Variants in PCCA observed in about 807,000 individuals in gnomAD.
The protein encoded by PCCA is propionyl-CoA carboxylase subunit alpha, also known as propionyl-CoA carboxylase alpha chain, mitochondrial.
A neutral mutation model predicts 101.3 loss-of-function variants in PCCA; 74 were observed. The observed-to-expected ratio is 0.73, with a 90% confidence interval of 0.61 to 0.89. The LOEUF is 0.89. Ranked by LOEUF, PCCA falls within the 40% of genes least tolerant of loss-of-function variation. The pLI is 0.00. For missense variants in PCCA, 891 were observed against 907.0 expected, an observed-to-expected ratio of 0.98 and a Z score of 0.23; for synonymous variants, 294 against 313.6, an observed-to-expected ratio of 0.94 and a Z score of 0.66.
chr13:100,494,356 G>A (rs1411326089), intron 21 of PCCA, among the ~76,000 whole-genome samples: 2 of 152,034 alleles, frequency 1.3e-5, no homozygotes, highest in East Asian at 3.9e-4. Flanking sequence ...CCATGGCTAG[G>A]TCAGGATGCC....
At chr13:100,258,952 TC>T (rs1566811487) in intron 9 of PCCA, among the ~76,000 whole-genome samples, 1 of 152,134 alleles carries the variant, frequency 6.6e-6, no homozygotes, top group Non-Finnish European at 1.5e-5. Context: ...TAATACAAGC[TC>T]CTCATTTTAA....
intron 19 of PCCA, among the ~76,000 whole-genome samples, chr13:100,378,655 A>G (rs1182154139): frequency 6.6e-6 from 1 of 152,036 alleles, no homozygotes; most frequent in Non-Finnish European, 1.5e-5. Flanking sequence ...GTGTGACTGC[A>G]TTATTTCAAA....
chr13:100,259,399 A>G (rs2062310147), intron 9 of PCCA, among the ~76,000 whole-genome samples: 1 of 134,146 alleles, frequency 7.5e-6, no homozygotes, highest in African/African-American at 2.8e-5. Context: ...AAGTAGCACG[A>G]TCTTGGCTCA....
At chr13:100,427,389 T>C (rs145065221) in intron 20 of PCCA, among the ~76,000 whole-genome samples, 479 of 152,344 alleles carry the variant, frequency 3.1e-3, no homozygotes, top group South Asian at 5.2e-3. Context: ...ATTATGCAAA[T>C]TTTTTGTATT....
intron 20 of PCCA, among the ~76,000 whole-genome samples, chr13:100,440,317 A>G (rs941968920): frequency 2.7e-5 from 4 of 150,636 alleles, no homozygotes; most frequent in African/African-American, 9.7e-5. Context: ...TTGTGAAACT[A>G]TCTGTAGTAT....
At chr13:100,368,416 T>A in intron 18 of PCCA, 56 bp from the exon 19 acceptor site, 1 of 973,930 alleles carries the variant, frequency 1.0e-6, no homozygotes, top group South Asian at 1.4e-5. Context: ...GAAATTAGTT[T>A]ATTGAGAAAT....
intron 18 of PCCA, among the ~76,000 whole-genome samples, chr13:100,347,994 C>T (rs2072547969): frequency 6.6e-6 from 1 of 152,196 alleles, no homozygotes; most frequent in South Asian, 2.1e-4. Flanking sequence ...TTCTGGCTTG[C>T]TTACTGAGGA....
intron 6 of PCCA, among the ~76,000 whole-genome samples, chr13:100,182,561 A>G (rs1019842139): frequency 1.3e-5 from 2 of 152,132 alleles, no homozygotes; most frequent in African/African-American, 2.4e-5. Context: ...CAATGAGAAG[A>G]TAGCTAGCCT....
intron 19 of PCCA, among the ~76,000 whole-genome samples, chr13:100,370,097 T>TTC (rs1159086420): frequency 2.1e-5 from 3 of 144,550 alleles, no homozygotes; most frequent in African/African-American, 7.8e-5. Flanking sequence ...TTTTTTTTTT[T>TTC]TTGAGACAGA....
At chr13:100,146,033 G>T (rs1023374347) in intron 4 of PCCA, among the ~76,000 whole-genome samples, 5 of 149,490 alleles carry the variant, frequency 3.3e-5, no homozygotes, top group Non-Finnish European at 5.9e-5. Flanking sequence ...TCTGCCTCCT[G>T]GGTTCAAGTG....
At chr13:100,227,882 T>G (rs2060236460) in intron 7 of PCCA, among the ~76,000 whole-genome samples, 1 of 152,248 alleles carries the variant, frequency 6.6e-6, no homozygotes, top group South Asian at 2.1e-4. Flanking sequence ...TTTTGTGTAC[T>G]TTTTGTTTTC....
At chr13:100,481,567 A>G (rs1370954361) in intron 21 of PCCA, among the ~76,000 whole-genome samples, 2 of 152,110 alleles carry the variant, frequency 1.3e-5, no homozygotes, top group African/African-American at 4.8e-5. Context: ...CAAAAATAAA[A>G]AAGGAACCTA....
chr13:100,357,476 C>T (rs1346883779), intron 18 of PCCA, among the ~76,000 whole-genome samples: 1 of 152,178 alleles, frequency 6.6e-6, no homozygotes, highest in African/African-American at 2.4e-5. Flanking sequence ...TGTATGTGAA[C>T]CCGCGTTCTT....
In PCCA at chr13:100,089,211, C is replaced by T. The variant is rs2152190063; in HGVS notation, c.91C>T (p.Leu31=). The T allele has an allele frequency of 6.6e-7, 1 of 1,522,414 alleles. No homozygotes were observed. The highest frequency in any genetic ancestry group is 8.8e-7 in the Non-Finnish European group (1 of 1,136,370). 94.3% of individuals were successfully genotyped at this position (1,522,414 alleles called of 1,614,324 possible). A position where few individuals can be genotyped will look rare whatever the true frequency, so the allele number is the denominator to read the frequency against. ...PPQQLMLSAA[L]RTLKHVLYYS... ...GCAGCAGCTGATGCTGAGCGCGGCG[C>T]TGCGGACCCTGAAGGTGAGGAGCAA... The change falls in exon 1 of 24, where the codon CTG becomes TTG. Residue 31 remains leucine, a synonymous_variant. Coordinates refer to ENST00000376285, the MANE Select transcript of PCCA (RefSeq NM_000282.4).
At chr13:100,173,115 CTGTAA>C (rs2055870369) in intron 6 of PCCA, among the ~76,000 whole-genome samples, 1 of 152,098 alleles carries the variant, frequency 6.6e-6, no homozygotes, top group Admixed American at 6.5e-5. Context: ...AAAGAGCTGT[CTGTAA>C]AAGTTCTGCT....
At chr13:100,308,334 C>CTT (rs111983196) in intron 15 of PCCA, among the ~76,000 whole-genome samples, 10 of 151,590 alleles carry the variant, frequency 6.6e-5, no homozygotes, top group African/African-American at 1.9e-4. Context: ...GGTTTTAGTG[C>CTT]TTTTTTTTGG....
chr13:100,447,666 C>A (rs2080934414), intron 20 of PCCA, among the ~76,000 whole-genome samples: 1 of 140,006 alleles, frequency 7.1e-6, no homozygotes, highest in Admixed American at 6.8e-5. Flanking sequence ...GAATGAAACT[C>A]TGTCTCAAAA....
At chr13:100,425,773 C>T in intron 20 of PCCA, 42 bp downstream of exon 20, 1 of 1,299,566 alleles carries the variant, frequency 7.7e-7, no homozygotes, top group Non-Finnish European at 1.1e-6. Context: ...TCCTCAAGTC[C>T]AGAATCCTTG....
At chr13:100,253,707 A>G (rs1396560188) in intron 8 of PCCA, among the ~76,000 whole-genome samples, 2 of 152,238 alleles carry the variant, frequency 1.3e-5, no homozygotes, top group East Asian at 3.9e-4. Flanking sequence ...AGAAGAGAAT[A>G]AGGAGTGGAG....
Sources: gnomAD v4.1 joint callset for allele counts (sites outside exome capture counted in the v4.1 genomes callset) on GRCh38, gnomAD v4.1.1 for gene constraint, MANE v1.5 for transcripts, NCBI Gene and HGNC (gene_info 2026-07-23, HGNC 2026-07-21) for gene names.